ZFAND2A: variants seen among roughly 807,000 people sequenced by gnomAD.
ZFAND2A encodes the protein zinc finger AN1-type containing 2A.
In ZFAND2A, 20 loss-of-function variants were observed where a neutral mutation model predicts 11.6. That is an observed-to-expected ratio of 1.72 (90% CI 1.21 to 2.50). The LOEUF is 2.50. Among genes scored for constraint, ZFAND2A ranks in the 30% most tolerant of loss-of-function variants. ZFAND2A has a pLI of 0.00. For synonymous variants in ZFAND2A, 93 were observed against 60.6 expected (o/e 1.54, Z -2.48); for missense variants, 234 against 182.9 (o/e 1.28, Z -1.61).
Position 1,155,616 on chromosome 7 carries a change from G to C in ZFAND2A, c.151-32C>G, listed in dbSNP as rs114402881. On this transcript the variant is annotated intron_variant, in intron 3 of 4. Transcript: ENST00000316495. ...ATAACAAAGGTAAGATGGCATCTGA[G>C]ACTCATGCAACTTAAACTCACAGAA... 249 of 1,607,234 alleles carry C rather than the reference G, an allele frequency of 1.5e-4. No homozygotes were observed. In the African/African-American group the frequency reaches 3.1e-3, roughly 20 times the overall value.
intron 1 of ZFAND2A, 98 bp from the exon 2 acceptor site, chr7:1,158,355 C>T: frequency 1.3e-6 from 1 of 758,528 alleles, no homozygotes; most frequent in Non-Finnish European, 2.2e-6. Context: ...AACAAACGCA[C>T]TGTGTGGGGA....
chr7:1,155,764 TG>T, intron 3 of ZFAND2A, 180 bp from the exon 4 acceptor site: 1 of 691,196 alleles, frequency 1.4e-6, no homozygotes, highest in Admixed American at 3.4e-5. Context: ...ATCTCTAGAA[TG>T]TGGGCATCAG....
chr7:1,153,314 C>G (rs1584024346), intron 4 of ZFAND2A, 90 bp from the exon 5 acceptor site: 1 of 1,425,630 alleles, frequency 7.0e-7, no homozygotes, highest in East Asian at 2.3e-5. Context: ...GTGGCTTGAT[C>G]TTGGCTCACT....
At chr7:1,151,490 C>T (rs1255767453), downstream of ZFAND2A, among the ~76,000 whole-genome samples, 1 of 152,056 alleles carries the variant, frequency 6.6e-6, no homozygotes, top group Non-Finnish European at 1.5e-5. Flanking sequence ...ATCCACCCAC[C>T]TTGCCCTCCC....
At chr7:1,159,291 G>A (rs145734213) in intron 1 of ZFAND2A, among the ~76,000 whole-genome samples, 189 of 152,344 alleles carry the variant, frequency 1.2e-3, no homozygotes, top group African/African-American at 4.3e-3. Context: ...TGTTCTGGAC[G>A]CACAGCACCC....
rs1021769393 is a variant in ZFAND2A, at chr7:1,155,445, G to A, written c.282+8C>T. On this transcript the variant is annotated splice_region_variant and intron_variant, in intron 4 of 4. Coordinates refer to ENST00000316495, the MANE Select transcript of ZFAND2A (RefSeq NM_182491.4). ...AGATGAAGGAACTGAGGCGGGCTCT[G>A]TCCTTACCTTCTCTTTCTTCTTCCC... 1.2e-6 allele frequency: 2 copies of A among 1,612,302 alleles called. No individual in the cohort carries two copies. The highest frequency in any genetic ancestry group is 2.2e-5 in the South Asian group (2 of 90,716).
At chr7:1,152,576 G>C (rs1793419743), downstream of ZFAND2A, among the ~76,000 whole-genome samples, 1 of 152,226 alleles carries the variant, frequency 6.6e-6, no homozygotes, top group South Asian at 2.1e-4. Context: ...CGGGACCTCA[G>C]AGTGTGACCT....
chr7:1,155,970 T>C (rs1793516270), intron 3 of ZFAND2A, among the ~76,000 whole-genome samples: 1 of 152,216 alleles, frequency 6.6e-6, no homozygotes, highest in Admixed American at 6.5e-5. Context: ...CCTGATCCCT[T>C]TGCGGTTTCC....
Position 1,155,478 on chromosome 7 carries a change from G to A in ZFAND2A, c.257C>T (p.Ser86Phe), listed in dbSNP as rs752453193. Residue 86 changes from serine (S) to phenylalanine (F), a missense_variant, in exon 4 of 5, where the codon TCT (serine) becomes TTT (phenylalanine). By Grantham distance (155) the Ser-to-Phe change is radical (BLOSUM62 -2). Coordinates refer to ENST00000316495, the MANE Select transcript of ZFAND2A (RefSeq NM_182491.4). ...VGDHIDRDCD[S>F]HPGKKKEKIF... The stretch of plus-strand genomic sequence containing the variant: ...CTTCTCTTTCTTCTTCCCAGGGTGA[G>A]AGTCACAGTCTCTGTCAATGTGATC... 1.9e-6 allele frequency: 3 copies of A among 1,613,784 alleles called. No individual in the cohort carries two copies. The highest frequency in any genetic ancestry group is 2.2e-5 in the South Asian group (2 of 91,046).
In ZFAND2A at chr7:1,155,537, T is replaced by C. The variant is rs1327153301; in HGVS notation, c.198A>G (p.Val66=). The C allele has an allele frequency of 6.2e-7, 1 of 1,613,758 alleles. No individual in the cohort carries two copies. The highest frequency in any genetic ancestry group is 1.3e-5 in the African/African-American group (1 of 74,856). ...VCPLCNTPIP[V]KKGQIPDVVV... ...CCACGTCTGGTATCTGGCCCTTTTT[T>C]ACTGGGATGGGGGTATTACAGAGTG... The change falls in exon 4 of 5, where the codon GTA becomes GTG. Residue 66 remains valine (V), a synonymous_variant. Coordinates refer to ENST00000316495, the MANE Select transcript of ZFAND2A (RefSeq NM_182491.4).
intron 3 of ZFAND2A, chr7:1,157,441 A>C (rs1793555164): frequency 4.6e-6 from 2 of 436,896 alleles, no homozygotes; most frequent in Admixed American, 4.3e-5. Flanking sequence ...CAGTTGTCTG[A>C]GAGTCATCCA....
downstream of ZFAND2A, chr7:1,152,267 C>T (rs768293646): frequency 8.2e-6 from 13 of 1,579,106 alleles, no homozygotes; most frequent in East Asian, 1.4e-4. Flanking sequence ...GTACCCGAGT[C>T]GCTGGGCCAG....
In ZFAND2A at chr7:1,158,138, A is replaced by T; in HGVS notation, c.55+20T>A. The T allele has an allele frequency of 6.2e-7, 1 of 1,610,952 alleles. No homozygotes were observed. The highest frequency in any genetic ancestry group is 8.5e-7 in the Non-Finnish European group (1 of 1,178,156). ...CCCAACAAAATACCATTTTCTATTAAGTCTCTTAAAAGTACTCACCTAGCT... is the reference window on the plus strand; with the variant it reads ...CCCAACAAAATACCATTTTCTATTATGTCTCTTAAAAGTACTCACCTAGCT... On this transcript the variant is annotated intron_variant, in intron 2 of 4. Transcript: ENST00000316495.
chr7:1,149,462 C>A (rs1232802479), downstream of ZFAND2A, among the ~76,000 whole-genome samples: 1 of 152,212 alleles, frequency 6.6e-6, no homozygotes, highest in East Asian at 1.9e-4. Context: ...GTCCAGCACC[C>A]TCCCGTAAGG....
intron 3 of ZFAND2A, 104 bp from the exon 4 acceptor site, chr7:1,155,688 G>T: frequency 6.9e-7 from 1 of 1,446,428 alleles, no homozygotes; most frequent in Non-Finnish European, 9.2e-7. Context: ...ACAAAGAGAG[G>T]ACAAAAACCG....
At chr7:1,158,607 A>T (rs997112201) in intron 1 of ZFAND2A, among the ~76,000 whole-genome samples, 1 of 152,230 alleles carries the variant, frequency 6.6e-6, no homozygotes, top group Admixed American at 6.5e-5. Context: ...TTGTTCACAT[A>T]AACAAAACTC....
At chr7:1,159,899 G>A in intron 1 of ZFAND2A, 65 bp downstream of exon 1, 1 of 175,724 alleles carries the variant, frequency 5.7e-6, no homozygotes, top group South Asian at 7.8e-5. Flanking sequence ...GAACCCCCGA[G>A]CAACCTGACC....
downstream of ZFAND2A, among the ~76,000 whole-genome samples, chr7:1,150,573 TG>T (rs374412152): frequency 3.9e-4 from 59 of 152,248 alleles, no homozygotes; most frequent in African/African-American, 1.4e-3. Flanking sequence ...CAGACGGTGG[TG>T]GAAAGTGTCA....
At chr7:1,149,813 A>C (rs117104684), downstream of ZFAND2A, among the ~76,000 whole-genome samples, 227 of 150,782 alleles carry the variant, frequency 1.5e-3, 1 homozygote, top group Middle Eastern at 3.5e-3. Context: ...ATTCCATCCC[A>C]GTGTTCTGTG....
Sources: allele counts gnomAD v4.1 joint callset (sites outside exome capture counted in the v4.1 genomes callset), GRCh38; gene constraint gnomAD v4.1.1; transcripts MANE v1.5; gene names NCBI Gene and HGNC (gene_info 2026-07-23, HGNC 2026-07-21).